NCKAP5: variants seen among roughly 807,000 people sequenced by gnomAD.
NCKAP5 encodes nck-associated protein 5.
A neutral mutation model predicts 167.0 loss-of-function variants in NCKAP5; 92 were observed. The ratio of observed to expected loss-of-function variants is 0.55; its 90% CI spans 0.47 to 0.66. The LOEUF is 0.66. NCKAP5 is among the 30% of genes least tolerant of loss of function. The pLI, the probability that NCKAP5 is intolerant of heterozygous loss-of-function variation, is 0.00. For missense variants in NCKAP5, 2,378 were observed against 2,315.0 expected, an observed-to-expected ratio of 1.03 and a Z score of -0.56; for synonymous variants, 891 against 877.4, an observed-to-expected ratio of 1.02 and a Z score of -0.27.
chr2:133,358,701 T>A (rs1684901532), intron 3 of NCKAP5, among the ~76,000 whole-genome samples: 2 of 152,184 alleles, frequency 1.3e-5, no homozygotes, highest in Non-Finnish European at 2.9e-5. Flanking sequence ...TTTTCTTATG[T>A]GAATTGCTGA....
chr2:133,450,220 A>C (rs1244463027), intron 3 of NCKAP5, among the ~76,000 whole-genome samples: 1 of 152,154 alleles, frequency 6.6e-6, no homozygotes, highest in Non-Finnish European at 1.5e-5. Context: ...TCTGTTCTCC[A>C]GGCTAATCTT....
chr2:133,418,983 C>T (rs556205472), intron 3 of NCKAP5, among the ~76,000 whole-genome samples: 1 of 152,234 alleles, frequency 6.6e-6, no homozygotes, highest in Non-Finnish European at 1.5e-5. Flanking sequence ...ACTCAAAAGA[C>T]CTTTTCAGAT....
At chr2:132,699,782 A>G (rs11884351) in intron 19 of NCKAP5, among the ~76,000 whole-genome samples, 13,206 of 152,238 alleles carry the variant, frequency 0.087, 1,795 homozygotes, top group African/African-American at 0.29. Context: ...TAGTGTCGCA[A>G]TAAACATACG....
intron 6 of NCKAP5, among the ~76,000 whole-genome samples, chr2:133,061,404 A>G (rs981689698): frequency 3.3e-5 from 5 of 152,240 alleles, no homozygotes; most frequent in Non-Finnish European, 7.3e-5. Context: ...CGCATTCTAG[A>G]AGAAGTTTTT....
chr2:132,781,276 T>TG (rs1336101082), intron 14 of NCKAP5, 47 bp from the exon 15 acceptor site: 1 of 1,548,478 alleles, frequency 6.5e-7, no homozygotes, highest in Non-Finnish European at 8.8e-7. Context: ...TGCTCCTTCT[T>TG]CAATCACTCT....
intron 2 of NCKAP5, among the ~76,000 whole-genome samples, chr2:133,546,495 G>C (rs989241082): frequency 1.3e-5 from 2 of 152,112 alleles, no homozygotes; most frequent in Non-Finnish European, 2.9e-5. Context: ...CTGCGCTATA[G>C]AGTTTCAAGG....
chr2:133,555,420 G>A (rs1028185439), intron 2 of NCKAP5, among the ~76,000 whole-genome samples: 1 of 152,154 alleles, frequency 6.6e-6, no homozygotes, highest in African/African-American at 2.4e-5. Flanking sequence ...TCACTATATT[G>A]CATATACAAG....
intron 3 of NCKAP5, among the ~76,000 whole-genome samples, chr2:133,404,234 G>T (rs549226421): frequency 1.3e-5 from 2 of 152,282 alleles, no homozygotes; most frequent in South Asian, 4.2e-4. Flanking sequence ...TTGAACTGTT[G>T]AAATACAGGC....
the NCKAP5 span, among the ~76,000 whole-genome samples, chr2:133,643,552 C>T: frequency 6.6e-6 from 1 of 152,128 alleles, no homozygotes; most frequent in African/African-American, 2.4e-5. Flanking sequence ...CTCAAATATA[C>T]CCCCATTGCC....
At chr2:133,459,058 G>C (rs1692033022) in intron 3 of NCKAP5, among the ~76,000 whole-genome samples, 1 of 152,092 alleles carries the variant, frequency 6.6e-6, no homozygotes, top group African/African-American at 2.4e-5. Flanking sequence ...TGAACTCTCT[G>C]CAGTTCTGTG....
intron 2 of NCKAP5, among the ~76,000 whole-genome samples, chr2:133,544,855 A>T (rs1036869007): frequency 6.6e-6 from 1 of 152,220 alleles, no homozygotes; most frequent in Non-Finnish European, 1.5e-5. Context: ...ACTTCCCAGA[A>T]ATGTAACTAT....
intron 4 of NCKAP5, among the ~76,000 whole-genome samples, chr2:133,283,551 A>G (rs1460576034): frequency 2.0e-5 from 3 of 152,138 alleles, no homozygotes; most frequent in Non-Finnish European, 2.9e-5. Context: ...TGTAAGCGCT[A>G]CAGTTCACAT....
At chr2:133,266,721 T>A (rs1016877147) in intron 4 of NCKAP5, among the ~76,000 whole-genome samples, 2 of 152,148 alleles carry the variant, frequency 1.3e-5, no homozygotes, top group African/African-American at 2.4e-5. Flanking sequence ...TCCGCTTTGT[T>A]GTGTTCCGCC....
intron 3 of NCKAP5, among the ~76,000 whole-genome samples, chr2:133,354,832 C>T (rs1463924441): frequency 6.6e-6 from 1 of 152,102 alleles, no homozygotes; most frequent in African/African-American, 2.4e-5. Context: ...ACATAAGACA[C>T]ACAAAAAGAC....
At chr2:132,769,303 T>C (rs556159248) in intron 16 of NCKAP5, among the ~76,000 whole-genome samples, 2 of 152,190 alleles carry the variant, frequency 1.3e-5, no homozygotes, top group African/African-American at 2.4e-5. Flanking sequence ...TAAACTAACA[T>C]GATTACCCTT....
the NCKAP5 span, among the ~76,000 whole-genome samples, chr2:133,636,132 A>G: frequency 1.1e-3 from 167 of 152,350 alleles, 2 homozygotes; most frequent in African/African-American, 3.6e-3. Flanking sequence ...AAGATTATGT[A>G]CTGTGGCGAT....
At chr2:133,482,633 ATTTC>A (rs1680554627) in intron 3 of NCKAP5, among the ~76,000 whole-genome samples, 1 of 152,156 alleles carries the variant, frequency 6.6e-6, no homozygotes, top group Admixed American at 6.5e-5. Context: ...TAATATATTG[ATTTC>A]TTTCCCTTTG....
intron 3 of NCKAP5, among the ~76,000 whole-genome samples, chr2:133,499,347 T>C (rs1682265472): frequency 6.6e-6 from 1 of 152,126 alleles, no homozygotes; most frequent in South Asian, 2.1e-4. Context: ...AAAAGGGAAA[T>C]ACCCAAGTCT....
chr2:133,288,300 G>A (rs1171964007), intron 4 of NCKAP5, among the ~76,000 whole-genome samples: 4 of 152,148 alleles, frequency 2.6e-5, no homozygotes, highest in Admixed American at 2.0e-4. Flanking sequence ...AAGAACTTTT[G>A]CTCAGTTGTG....
Sources: gnomAD v4.1 joint callset for allele counts (sites outside exome capture counted in the v4.1 genomes callset) on GRCh38, gnomAD v4.1.1 for gene constraint, MANE v1.5 for transcripts, NCBI Gene and HGNC (gene_info 2026-07-23, HGNC 2026-07-21) for gene names.